The following LRRC4C variants were observed in gnomAD, a reference collection of about 807,000 sequenced individuals.
LRRC4C encodes leucine-rich repeat-containing protein 4C.
Under a neutral mutation model 33.6 loss-of-function variants are expected in LRRC4C, and 5 were observed. The ratio of observed to expected loss-of-function variants is 0.15; its 90% CI spans 0.08 to 0.31. LRRC4C has a LOEUF of 0.31. LRRC4C is among the 10% of genes least tolerant of loss of function. The pLI is 1.00. For synonymous variants in LRRC4C, 329 were observed against 302.0 expected (o/e 1.09, Z -0.93); for missense variants, 560 against 796.7 (o/e 0.70, Z 3.58).
At chr11:40,260,960 A>C (rs1867664510) in intron 4 of LRRC4C, among the ~76,000 whole-genome samples, 1 of 152,100 alleles carries the variant, frequency 6.6e-6, no homozygotes, top group Non-Finnish European at 1.5e-5. Flanking sequence ...AGCTCACTGT[A>C]ACTTTGAACT....
At chr11:40,169,486 A>G (rs1438831130) in intron 5 of LRRC4C, among the ~76,000 whole-genome samples, 1 of 152,162 alleles carries the variant, frequency 6.6e-6, no homozygotes, top group African/African-American at 2.4e-5. Flanking sequence ...AAATTTATGT[A>G]ATTACTTAGC....
intron 1 of LRRC4C, among the ~76,000 whole-genome samples, chr11:41,261,328 A>G (rs767887424): frequency 6.6e-6 from 1 of 152,100 alleles, no homozygotes; most frequent in Non-Finnish European, 1.5e-5. Context: ...TTGAAGAATA[A>G]ATTTTTATTA....
intron 1 of LRRC4C, among the ~76,000 whole-genome samples, chr11:41,101,178 C>A (rs1262236303): frequency 6.6e-6 from 1 of 152,154 alleles, no homozygotes; most frequent in African/African-American, 2.4e-5. Context: ...TTAAGAGCTT[C>A]TGCACAGCAA....
chr11:41,415,302 CAGAT>C (rs1265482752), intron 1 of LRRC4C, among the ~76,000 whole-genome samples: 3 of 152,100 alleles, frequency 2.0e-5, no homozygotes, highest in African/African-American at 4.8e-5. Context: ...GCAGAAAACA[CAGAT>C]AGATAGTCCA....
chr11:40,400,936 A>T (rs1347216951), intron 3 of LRRC4C, among the ~76,000 whole-genome samples: 1 of 152,120 alleles, frequency 6.6e-6, no homozygotes, highest in East Asian at 1.9e-4. Context: ...TATAAATTCC[A>T]TGAGGATAAG....
intron 3 of LRRC4C, among the ~76,000 whole-genome samples, chr11:40,397,034 T>A (rs576306936): frequency 2.6e-5 from 4 of 152,010 alleles, no homozygotes; most frequent in Non-Finnish European, 5.9e-5. Context: ...ATACAGTAAA[T>A]TGAATATATA....
intron 6 of LRRC4C, among the ~76,000 whole-genome samples, chr11:40,137,651 T>A (rs1320036876): frequency 2.0e-5 from 3 of 152,104 alleles, no homozygotes; most frequent in South Asian, 4.1e-4. Flanking sequence ...TTAAGAACAA[T>A]GGAATTGGAA....
chr11:40,892,777 G>A (rs1955777556), intron 2 of LRRC4C, among the ~76,000 whole-genome samples: 1 of 152,150 alleles, frequency 6.6e-6, no homozygotes, highest in East Asian at 1.9e-4. Context: ...GTTACCAGCG[G>A]CTGGGGGCTG....
chr11:41,409,922 G>A (rs1954397694), intron 1 of LRRC4C, among the ~76,000 whole-genome samples: 2 of 152,136 alleles, frequency 1.3e-5, no homozygotes, highest in African/African-American at 2.4e-5. Context: ...TAATATTAAT[G>A]TTTTTTTATT....
intron 3 of LRRC4C, among the ~76,000 whole-genome samples, chr11:40,579,063 C>T (rs776348099): frequency 5.3e-5 from 8 of 152,106 alleles, no homozygotes; most frequent in Non-Finnish European, 5.9e-5. Flanking sequence ...GTCGGCCGGG[C>T]GATGTGGCTC....
intron 4 of LRRC4C, among the ~76,000 whole-genome samples, chr11:40,255,292 C>T (rs971393115): frequency 1.3e-5 from 2 of 151,994 alleles, no homozygotes; most frequent in Non-Finnish European, 2.9e-5. Context: ...TGCTCTAGAG[C>T]ATTTCAAGCA....
At chr11:40,483,168 A>G (rs1156433206) in intron 3 of LRRC4C, among the ~76,000 whole-genome samples, 1 of 152,190 alleles carries the variant, frequency 6.6e-6, no homozygotes, top group Non-Finnish European at 1.5e-5. Flanking sequence ...GGATTAGGGC[A>G]TGAAAGCTGA....
chr11:41,320,382 A>C (rs1376653968), intron 1 of LRRC4C, among the ~76,000 whole-genome samples: 2 of 152,200 alleles, frequency 1.3e-5, no homozygotes, highest in Non-Finnish European at 2.9e-5. Flanking sequence ...TCTCACAGTC[A>C]AAAGGTCAAG....
At chr11:40,808,205 A>G (rs575690149) in intron 2 of LRRC4C, among the ~76,000 whole-genome samples, 15 of 151,350 alleles carry the variant, frequency 9.9e-5, no homozygotes, top group Admixed American at 5.9e-4. Context: ...TTATATTATC[A>G]TAATTATCAT....
At chr11:41,314,678 TAGG>T (rs1293363152) in intron 1 of LRRC4C, among the ~76,000 whole-genome samples, 18 of 152,016 alleles carry the variant, frequency 1.2e-4, no homozygotes, top group Non-Finnish European at 1.2e-4. Context: ...GGGGTAGCAT[TAGG>T]AGAAACACCT....
intron 2 of LRRC4C, among the ~76,000 whole-genome samples, chr11:40,687,420 C>A (rs1010388247): frequency 7.2e-5 from 11 of 151,882 alleles, no homozygotes; most frequent in Admixed American, 4.6e-4. Context: ...ATAGATAGAT[C>A]GATCCTCTTT....
intron 2 of LRRC4C, among the ~76,000 whole-genome samples, chr11:40,773,657 C>T (rs1949858362): frequency 6.6e-6 from 1 of 151,884 alleles, no homozygotes; most frequent in African/African-American, 2.4e-5. Flanking sequence ...CCAATGAAGA[C>T]AATATTGTAG....
intron 1 of LRRC4C, among the ~76,000 whole-genome samples, chr11:41,168,791 C>A (rs1005172361): frequency 6.6e-6 from 1 of 152,208 alleles, no homozygotes; most frequent in Admixed American, 6.5e-5. Flanking sequence ...TACTCTTCAG[C>A]GGTTGCCTAC....
chr11:40,490,847 A>T (rs564427161), intron 3 of LRRC4C, among the ~76,000 whole-genome samples: 2 of 152,216 alleles, frequency 1.3e-5, no homozygotes, highest in South Asian at 2.1e-4. Flanking sequence ...GAGAGTTTTT[A>T]TTTTTCTAGG....
Sources: allele counts gnomAD v4.1 joint callset (sites outside exome capture counted in the v4.1 genomes callset), GRCh38; gene constraint gnomAD v4.1.1; transcripts MANE v1.5; gene names NCBI Gene and HGNC (gene_info 2026-07-23, HGNC 2026-07-21).